Variants in BRD7 observed in about 807,000 individuals in gnomAD.
The protein encoded by BRD7 is bromodomain-containing protein 7.
A neutral mutation model predicts 82.1 loss-of-function variants in BRD7; 15 were observed. That is an observed-to-expected ratio of 0.18 (90% CI 0.12 to 0.28). The LOEUF is 0.28. BRD7 is among the 10% of genes least tolerant of loss of function. The probability of loss-of-function intolerance (pLI) is 1.00; values close to 1 mark genes in which losing one functional copy is unlikely to be tolerated. For missense variants in BRD7, 638 were observed against 779.9 expected, an observed-to-expected ratio of 0.82 and a Z score of 2.17; for synonymous variants, 232 against 266.9, an observed-to-expected ratio of 0.87 and a Z score of 1.27.
rs1245198312 is a variant in BRD7, at chr16:50,320,388, G to C, written c.1616C>G (p.Ala539Gly). The change falls in exon 15 of 17, where the codon GCT (alanine) becomes GGT (glycine). Residue 539 changes from alanine to glycine, a missense_variant. Ala to Gly is a moderately conservative substitution (Grantham distance 60). Coordinates refer to ENST00000394688, the MANE Select transcript of BRD7 (RefSeq NM_013263.5). ...VPVEVFDSEE[A>G]EIFQKKLDET... The stretch of plus-strand genomic sequence containing the variant: ...ATCAAGTTTCTTCTGGAATATTTCA[G>C]CTTCTGTGTGGTAAGAAAACAGACA... The C allele has an allele frequency of 1.9e-6, 3 of 1,613,172 alleles. No homozygotes were observed. The highest frequency in any genetic ancestry group is 2.2e-5 in the East Asian group (1 of 44,872).
At chr16:50,367,807 T>C (rs1159524661) in intron 2 of BRD7, among the ~76,000 whole-genome samples, 2 of 152,234 alleles carry the variant, frequency 1.3e-5, no homozygotes, top group African/African-American at 2.4e-5. Context: ...CATGACTTTT[T>C]ACCCTGCCTA....
intron 9 of BRD7, among the ~76,000 whole-genome samples, chr16:50,328,226 CG>C (rs1184384862): frequency 6.6e-6 from 1 of 152,088 alleles, no homozygotes; most frequent in Non-Finnish European, 1.5e-5. Context: ...GTGAAAGATA[CG>C]ATGTCACTAA....
At chr16:50,325,970 C>T (rs1193809832) in intron 10 of BRD7, 87 bp from the exon 11 acceptor site, 6 of 1,320,242 alleles carry the variant, frequency 4.5e-6, no homozygotes, top group Non-Finnish European at 6.2e-6. Flanking sequence ...TTATTCTCTC[C>T]TAACTTTACT....
intron 13 of BRD7, 144 bp downstream of exon 13, chr16:50,321,838 G>A (rs760893445): frequency 4.2e-6 from 3 of 710,536 alleles, no homozygotes; most frequent in East Asian, 5.5e-5. Flanking sequence ...ATGCATTTAT[G>A]GTTTGCCATT....
chr16:50,319,820 G>T, intron 16 of BRD7, 67 bp downstream of exon 16: 3 of 1,545,616 alleles, frequency 1.9e-6, no homozygotes, highest in Non-Finnish European at 2.6e-6. Flanking sequence ...CCAATCTCGG[G>T]CAGACACTGA....
chr16:50,337,651 T>A (rs1389607416), intron 6 of BRD7, among the ~76,000 whole-genome samples: 2 of 152,164 alleles, frequency 1.3e-5, no homozygotes, highest in Admixed American at 1.3e-4. Context: ...CTCTACAATT[T>A]TTTCAATGAA....
At chr16:50,334,986 T>C (rs1269248874) in intron 6 of BRD7, 91 bp from the exon 7 acceptor site, 1 of 1,263,874 alleles carries the variant, frequency 7.9e-7, no homozygotes, top group Non-Finnish European at 1.1e-6. Context: ...ATACTTATCC[T>C]GTCATTAACC....
At chr16:50,332,658 T>C (rs1437784531) in intron 8 of BRD7, among the ~76,000 whole-genome samples, 2 of 152,116 alleles carry the variant, frequency 1.3e-5, no homozygotes, top group African/African-American at 4.8e-5. Flanking sequence ...AAATAAATCA[T>C]TTTACTCAAA....
In BRD7 at chr16:50,317,358, T is replaced by C. The variant is rs2036850104; in HGVS notation, c.*1853A>G. The C allele has an allele frequency of 6.7e-6, 1 of 150,342 alleles. No individual in the cohort carries two copies. Among genetic ancestry groups the C allele is most frequent in the South Asian group, 2.1e-4 (1 of 4,828 alleles). 9.3% of individuals were successfully genotyped at this position (150,342 alleles called of 1,614,324 possible). A position where few individuals can be genotyped will look rare whatever the true frequency, so the allele number is the denominator to read the frequency against. On this transcript the variant is annotated 3_prime_UTR_variant, in exon 17 of 17. Coordinates refer to ENST00000394688, the MANE Select transcript of BRD7 (RefSeq NM_013263.5). The stretch of plus-strand genomic sequence containing the variant: ...ATGAATACTATACTGAAATCTGTGC[T>C]CTCAAGATCTAGCAGTGACCAGGGC...
At chr16:50,365,943 G>A (rs907400236) in intron 2 of BRD7, among the ~76,000 whole-genome samples, 4 of 151,944 alleles carry the variant, frequency 2.6e-5, no homozygotes, top group Non-Finnish European at 4.4e-5. Flanking sequence ...GAAGGCACAA[G>A]TATTCATTGT....
intron 10 of BRD7, 55 bp downstream of exon 10, chr16:50,326,229 C>A: frequency 6.9e-7 from 1 of 1,441,712 alleles, no homozygotes; most frequent in Non-Finnish European, 9.7e-7. Context: ...TGCTTCCTTT[C>A]CCTAATATCC....
intron 5 of BRD7, chr16:50,349,325 A>G: frequency 9.5e-6 from 3 of 316,342 alleles, no homozygotes; most frequent in South Asian, 7.9e-5. Context: ...CAGCGCACCA[A>G]CATGGCACAT....
Position 50,325,876 on chromosome 16 carries a change from A to C in BRD7, c.1203T>G (p.Tyr401Ter). Residue 401 changes from tyrosine to a stop codon, truncating the protein, a stop_gained, in exon 11 of 17, where the codon TAT (tyrosine) becomes TAG (stop). Transcript: ENST00000394688. LOFTEE classifies it high-confidence loss of function. ...AAGAACTGTAGGGCCCATAATTCAAATATAACACTGTTGAAAAAATCAAAT... is the reference window on the plus strand; with the variant it reads ...AAGAACTGTAGGGCCCATAATTCAACTATAACACTGTTGAAAAAATCAAAT... ...DKRNKVTPVL[Y>*]LNYGPYSSYA... is the part of the protein sequence containing the mutation. The C allele has an allele frequency of 6.3e-7, 1 of 1,589,624 alleles. No individual in the cohort carries two copies. The highest frequency in any genetic ancestry group is 8.5e-7 in the Non-Finnish European group (1 of 1,174,006).
chr16:50,343,492 G>A (rs971208813), intron 5 of BRD7, among the ~76,000 whole-genome samples: 15 of 152,212 alleles, frequency 9.9e-5, no homozygotes, highest in African/African-American at 2.2e-4. Context: ...AGTGTGAGCC[G>A]AAGCAGGGCA....
At chr16:50,355,970 CA>C (rs2038715093) in intron 2 of BRD7, among the ~76,000 whole-genome samples, 15 of 151,918 alleles carry the variant, frequency 9.9e-5, no homozygotes, top group Admixed American at 9.8e-4. Flanking sequence ...TAAATCTATG[CA>C]AAAAGGCAAA....
rs773781182 is a variant in BRD7, at chr16:50,354,832, G to A, written c.349C>T (p.Pro117Ser). The A allele has an allele frequency of 6.2e-7, 1 of 1,612,494 alleles. No individual in the cohort carries two copies. The highest frequency in any genetic ancestry group is 2.2e-5 in the East Asian group (1 of 44,848). ...AAAGAGCTTGTGAGAGGCTTCTCAGGAGGCAAGTCTAATCTCACAGGGGCG... is the reference window on the plus strand; with the variant it reads ...AAAGAGCTTGTGAGAGGCTTCTCAGAAGGCAAGTCTAATCTCACAGGGGCG... ...CHAPVRLDLP[P>S]EKPLTSSLAK... Residue 117 changes from proline to serine, a missense_variant, in exon 3 of 17, where the codon CCT (proline) becomes TCT (serine). By Grantham distance (74) the Pro-to-Ser change is moderately conservative. Around this residue, in one of 3 missense-constraint regions of BRD7, gnomAD observed 172 missense variants for 155.3 expected, o/e 1.11. Transcript: ENST00000394688.
At chr16:50,341,641 T>G (rs1321253011) in intron 5 of BRD7, among the ~76,000 whole-genome samples, 1 of 45,442 alleles carries the variant, frequency 2.2e-5, no homozygotes, top group African/African-American at 1.1e-4. Flanking sequence ...AGACTCGGTC[T>G]CAAAAAAAAA....
At chr16:50,366,859 A>G (rs1034355053) in intron 2 of BRD7, among the ~76,000 whole-genome samples, 6 of 152,226 alleles carry the variant, frequency 3.9e-5, no homozygotes, top group Non-Finnish European at 7.3e-5. Flanking sequence ...TATGTGAAGG[A>G]TTGGGGTGAG....
chr16:50,349,989 C>A (rs748911938), intron 5 of BRD7, 34 bp downstream of exon 5: 8 of 1,479,632 alleles, frequency 5.4e-6, no homozygotes, highest in Non-Finnish European at 7.2e-6. Flanking sequence ...CAGATTTCTA[C>A]CAAGATTTTG....
Sources: allele counts gnomAD v4.1 joint callset (sites outside exome capture counted in the v4.1 genomes callset), GRCh38; gene constraint gnomAD v4.1.1; regional missense constraint gnomAD v4.1.1; transcripts MANE v1.5; gene names NCBI Gene and HGNC (gene_info 2026-07-23, HGNC 2026-07-21).